SPACA7: variants seen among roughly 807,000 people sequenced by gnomAD.
SPACA7 encodes the protein sperm acrosome-associated protein 7.
SPACA7 carries 19 observed loss-of-function variants against 26.3 expected under a neutral mutation model. That is an observed-to-expected ratio of 0.72 (90% CI 0.50 to 1.06). The LOEUF (loss-of-function observed/expected upper bound fraction) is 1.06, where lower values mean the gene tolerates loss of function less well. Among genes scored for constraint, SPACA7 ranks in the 50% least tolerant of loss-of-function variants. The probability of loss-of-function intolerance (pLI) is 0.00; values close to 1 mark genes in which losing one functional copy is unlikely to be tolerated. For missense variants in SPACA7, 211 were observed against 229.9 expected (o/e 0.92, Z 0.53); for synonymous variants, 84 against 84.5 (o/e 0.99, Z 0.04).
At chr13:112,425,092 A>G (rs560564288) in intron 5 of SPACA7, among the ~76,000 whole-genome samples, 2 of 152,328 alleles carry the variant, frequency 1.3e-5, no homozygotes, top group African/African-American at 4.8e-5. Flanking sequence ...AGGATCCCAC[A>G]AAGTCCTAGT....
Position 112,379,662 on chromosome 13 carries a change from T to G in SPACA7, c.94+3183T>G, listed in dbSNP as rs74947130. On this transcript the variant is annotated intron_variant, in intron 1 of 6. Transcript: ENST00000283550. Reference sequence around the variant, plus strand: ...ACATCCCTTATTTGACAATGCTTTTTACGAATTTAATGTATCAAATAAAGC... The same window carrying G: ...ACATCCCTTATTTGACAATGCTTTTGACGAATTTAATGTATCAAATAAAGC... 3.3e-3 allele frequency among the ~76,000 whole-genome samples: 504 copies of G among 152,356 alleles called. 1 individual carries two copies. Among genetic ancestry groups the G allele is most frequent in the African/African-American group, 0.012 (480 of 41,588 alleles).
chr13:112,398,770 G>C (rs577147526), intron 3 of SPACA7, among the ~76,000 whole-genome samples: 1 of 152,350 alleles, frequency 6.6e-6, no homozygotes, highest in African/African-American at 2.4e-5. Context: ...GCATGAAAGT[G>C]TATTCGGCAG....
At chr13:112,388,680 G>A (rs976254078) in intron 1 of SPACA7, among the ~76,000 whole-genome samples, 3 of 152,220 alleles carry the variant, frequency 2.0e-5, no homozygotes, top group East Asian at 1.9e-4. Flanking sequence ...GAGCCAATTC[G>A]TCACAACAGG....
intron 1 of SPACA7, 138 bp from the exon 2 acceptor site, chr13:112,392,883 A>C: frequency 3.4e-6 from 2 of 592,356 alleles, no homozygotes; most frequent in South Asian, 2.8e-5. Context: ...CATCACCCGC[A>C]GGAGAGACTG....
At chr13:112,424,593 G>T (rs1456024218) in intron 5 of SPACA7, among the ~76,000 whole-genome samples, 1 of 152,160 alleles carries the variant, frequency 6.6e-6, no homozygotes, top group Non-Finnish European at 1.5e-5. Context: ...TTAAAGAAAT[G>T]GAGTCTGAAT....
intron 5 of SPACA7, among the ~76,000 whole-genome samples, chr13:112,412,298 GT>G: frequency 6.6e-6 from 1 of 151,464 alleles, no homozygotes; most frequent in South Asian, 2.1e-4. Context: ...TTTGTTTTTT[GT>G]TTTTTGTTTT....
intron 5 of SPACA7, among the ~76,000 whole-genome samples, chr13:112,429,331 G>A (rs917951105): frequency 2.6e-5 from 4 of 151,286 alleles, no homozygotes; most frequent in Non-Finnish European, 4.4e-5. Context: ...AGCCAAGATG[G>A]TGCCACTGCA....
In SPACA7 at chr13:112,394,447, A is replaced by AG. The variant is rs559608702; in HGVS notation, c.151+1373dup. Among the ~76,000 whole-genome samples the AG allele has an allele frequency of 1.1e-3, 171 of 151,756 alleles. 1 individual carries two copies. The highest frequency in any genetic ancestry group is 0.011 in the East Asian group (55 of 5,158). ...CGAACAGGGGCTCCCGTGGGAACGCAGGGCCCCCAGGTGCTGGGCCCTTTC... is the reference window on the plus strand; with the variant it reads ...CGAACAGGGGCTCCCGTGGGAACGCAGGGGCCCCCAGGTGCTGGGCCCTTTC... On this transcript the variant is annotated intron_variant, in intron 2 of 6. Transcript: ENST00000283550.
chr13:112,395,658 C>G (rs1222645559), intron 2 of SPACA7, among the ~76,000 whole-genome samples: 6 of 152,078 alleles, frequency 3.9e-5, no homozygotes, highest in African/African-American at 1.4e-4. Context: ...TTTAGTAGGA[C>G]AGGGTTTCAC....
chr13:112,416,976 T>G (rs909372795), intron 5 of SPACA7, among the ~76,000 whole-genome samples: 8 of 152,182 alleles, frequency 5.3e-5, no homozygotes, highest in Non-Finnish European at 1.2e-4. Context: ...TGATGTTTGA[T>G]GCACACTTAG....
chr13:112,417,155 T>G (rs1351742784), intron 5 of SPACA7, among the ~76,000 whole-genome samples: 2 of 152,188 alleles, frequency 1.3e-5, no homozygotes, highest in Admixed American at 6.5e-5. Context: ...CCTTTCAAAA[T>G]TAGACTCACC....
chr13:112,425,185 CAG>C (rs1876411493), intron 5 of SPACA7, among the ~76,000 whole-genome samples: 1 of 152,176 alleles, frequency 6.6e-6, no homozygotes, highest in African/African-American at 2.4e-5. Flanking sequence ...AGGGTGCGCA[CAG>C]GCTCCCCTGC....
In SPACA7 at chr13:112,414,388, C is replaced by CTTTTTTTTTTTTTTTTTTT. The variant is rs869183760; in HGVS notation, c.445+13246_445+13264dup. ...AAGTTTCTGAATGGCTTTTCTGTGT[C>CTTTTTTTTTTTTTTTTTTT]TTTTTTTTTTTTTTTTTTTTTTTTT... On this transcript the variant is annotated intron_variant, in intron 5 of 6. Coordinates refer to ENST00000283550, the MANE Select transcript of SPACA7 (RefSeq NM_145248.5). Among the ~76,000 whole-genome samples the CTTTTTTTTTTTTTTTTTTT allele has an allele frequency of 1.9e-4, 6 of 31,396 alleles. 2 individuals are homozygous for CTTTTTTTTTTTTTTTTTTT. Among genetic ancestry groups the CTTTTTTTTTTTTTTTTTTT allele is most frequent in the Non-Finnish European group, 2.9e-4 (5 of 17,230 alleles). 20.6% of individuals were successfully genotyped at this position (31,396 alleles called of 152,430 possible). A position where few individuals can be genotyped will look rare whatever the true frequency, so the allele number is the denominator to read the frequency against.
At position 112,376,437 on chromosome 13, in the gene SPACA7, T is replaced by C; in HGVS notation, c.52T>C (p.Cys18Arg). 1 of 1,613,814 alleles carries C rather than the reference T, an allele frequency of 6.2e-7. No individual in the cohort carries two copies. The highest frequency in any genetic ancestry group is 8.5e-7 in the Non-Finnish European group (1 of 1,179,848). Residue 18 changes from cysteine to arginine, a missense_variant, in exon 1 of 7, where the codon TGT becomes CGT. Physicochemically the swap from Cys to Arg is radical, Grantham distance 180. Coordinates refer to ENST00000283550, the MANE Select transcript of SPACA7 (RefSeq NM_145248.5). ...CCTCTGCTTTGTCCTCCTGCTGTGC[T>C]GTTGGCAAGAAACTGAGCTCCGGCC... The part of the protein sequence containing the change: ...GTLCFVLLLC[C>R]WQETELRPRT...
At chr13:112,403,542 TA>T (rs947146103) in intron 5 of SPACA7, among the ~76,000 whole-genome samples, 26 of 152,268 alleles carry the variant, frequency 1.7e-4, no homozygotes, top group Admixed American at 1.6e-3. Flanking sequence ...GTACACACTG[TA>T]CCCAATTTGT....
intron 2 of SPACA7, among the ~76,000 whole-genome samples, chr13:112,394,610 A>G (rs377627): frequency 0.42 from 61,304 of 145,118 alleles, 9,104 homozygotes; most frequent in South Asian, 0.52. Flanking sequence ...GAATGAATGG[A>G]TGTTCCCATT....
In SPACA7 at chr13:112,399,050, A is replaced by T. The variant is rs1429552845; in HGVS notation, c.242-16A>T. 14 of 1,523,056 alleles carry T rather than the reference A, an allele frequency of 9.2e-6. No homozygotes were observed. In the Admixed American group the frequency reaches 1.2e-4, roughly 13 times the overall value. The allele number at this position is 1,523,056 out of a possible 1,614,324, so 94.3% of individuals were successfully genotyped here. A position where few individuals can be genotyped will look rare whatever the true frequency, so the allele number is the denominator to read the frequency against. On this transcript the variant is annotated splice_polypyrimidine_tract_variant and intron_variant, in intron 3 of 6. Transcript: ENST00000283550. ...AGAAAACTTTTCCCCATTTTTTTCC[A>T]TGTTCTTCATTGAAGATGCTGGTAT...
Position 112,395,162 on chromosome 13 carries a change from A to G in SPACA7, c.151+2085A>G, listed in dbSNP as rs1594265328. The stretch of plus-strand genomic sequence containing the variant: ...CAGGGGATGGGGCCTCACTAAGGCA[A>G]AGGAAGCCCAGGTCCCGTGCAGGCT... On this transcript the variant is annotated intron_variant, in intron 2 of 6. Transcript: ENST00000283550. 2.0e-5 allele frequency among the ~76,000 whole-genome samples: 3 copies of G among 152,300 alleles called. No individual in the cohort carries two copies. The South Asian group carries it at 6.2e-4, about 32-fold the overall frequency.
At chr13:112,387,530 A>T (rs1594248645) in intron 1 of SPACA7, among the ~76,000 whole-genome samples, 1 of 152,354 alleles carries the variant, frequency 6.6e-6, no homozygotes, top group South Asian at 2.1e-4. Context: ...TTTCTCCATT[A>T]ATTAAACCCT....
Sources: gnomAD v4.1 joint callset for allele counts (sites outside exome capture counted in the v4.1 genomes callset) on GRCh38, gnomAD v4.1.1 for gene constraint, MANE v1.5 for transcripts, NCBI Gene and HGNC (gene_info 2026-07-23, HGNC 2026-07-21) for gene names.